LYSMD1: variants seen among roughly 807,000 people sequenced by gnomAD.
LYSMD1 encodes LysM domain containing 1, also known as lysM and putative peptidoglycan-binding domain-containing protein 1.
A neutral mutation model predicts 19.3 loss-of-function variants in LYSMD1; 9 were observed. The observed-to-expected ratio is 0.47, with a 90% confidence interval of 0.28 to 0.81. LYSMD1 has a LOEUF of 0.81. Ranked by LOEUF, LYSMD1 falls within the 40% of genes least tolerant of loss-of-function variation. The pLI is 0.11. For synonymous variants in LYSMD1, 111 were observed against 111.7 expected (o/e 0.99, Z 0.04); for missense variants, 262 against 279.8 (o/e 0.94, Z 0.45).
rs950928930 is a variant in LYSMD1, at chr1:151,165,753, C to A, written c.-495G>T. The A allele has an allele frequency of 1.9e-6, 3 of 1,551,632 alleles. No individual in the cohort carries two copies. The highest frequency in any genetic ancestry group is 2.0e-5 in the Admixed American group (1 of 50,990). ...GCAAGAATTTGTAGTACACCTTCCA[C>A]TCAGAGATCCTCAAAGGTCCGCTCC... On this transcript the variant is annotated 5_prime_UTR_variant, in exon 1 of 3. Transcript: ENST00000368908.
chr1:151,158,846 C>A, downstream of LYSMD1: 1 of 1,614,176 alleles, frequency 6.2e-7, no homozygotes, highest in East Asian at 2.2e-5. Context: ...AAGGAGTACA[C>A]GCACAGCCGG....
At position 151,161,891 on chromosome 1, in the gene LYSMD1, T is replaced by C; in HGVS notation, c.390A>G (p.Ala130=). 2 of 1,614,148 alleles carry C rather than the reference T, an allele frequency of 1.2e-6. No homozygotes were observed. Among genetic ancestry groups the C allele is most frequent in the Non-Finnish European group, 1.7e-6 (2 of 1,180,026 alleles). Residue 130 remains alanine (A), a synonymous_variant, in exon 2 of 3, where the codon GCA becomes GCG. Coordinates refer to ENST00000368908, the MANE Select transcript of LYSMD1 (RefSeq NM_212551.5). ...STERKKQETG[A]GRANGEVLPT... ...GGAGGACTTCACCATTGGCACGTCC[T>C]GCTCCTGTCTCTTGTTTCTTCCTCT...
chr1:151,161,041 G>T (rs751387211), intron 2 of LYSMD1, 21 bp from the exon 3 acceptor site: 7 of 1,612,524 alleles, frequency 4.3e-6, no homozygotes, highest in Non-Finnish European at 5.9e-6. Context: ...GGAAAGGGGG[G>T]AAAGAGTGAC....
Sources: gnomAD v4.1 joint callset for allele counts on GRCh38, gnomAD v4.1.1 for gene constraint, MANE v1.5 for transcripts, NCBI Gene and HGNC (gene_info 2026-07-23, HGNC 2026-07-21) for gene names.